The following BSN variants were observed in gnomAD, a reference collection of about 807,000 sequenced individuals.
BSN encodes the protein protein bassoon.
BSN carries 57 observed loss-of-function variants against 264.8 expected under a neutral mutation model. That is an observed-to-expected ratio of 0.22 (90% CI 0.17 to 0.27). The LOEUF is 0.27. Among genes scored for constraint, BSN ranks in the 10% least tolerant of loss-of-function variants. BSN has a pLI of 1.00. For synonymous variants in BSN, 2,059 were observed against 2,137.3 expected (o/e 0.96, Z 1.01); for missense variants, 4,615 against 5,232.5 (o/e 0.88, Z 3.64).
Position 49,661,902 on chromosome 3 carries a change from A to G in BSN, c.10057A>G (p.Ile3353Val). The change falls in exon 6 of 12, where the codon ATC becomes GTC. Residue 3353 changes from isoleucine (I) to valine (V), a missense_variant. Physicochemically the swap from Ile to Val is conservative, Grantham distance 29 (BLOSUM62 3). This residue lies in a region of BSN where 3,415 missense variants were observed against 3,866.4 expected (regional missense o/e 0.88). Transcript: ENST00000296452. ...CTCCAAGAGCCTGGCTCCAGCTGCCATCTCCTCAAAGCGCAGCAAGCACCG... is the reference window on the plus strand; with the variant it reads ...CTCCAAGAGCCTGGCTCCAGCTGCCGTCTCCTCAAAGCGCAGCAAGCACCG... ...HPSKSLAPAA[I>V]SSKRSKHRKQ... 1.2e-6 allele frequency: 2 copies of G among 1,613,806 alleles called. No individual in the cohort carries two copies. The highest frequency in any genetic ancestry group is 8.5e-7 in the Non-Finnish European group (1 of 1,180,038).
intron 1 of BSN, among the ~76,000 whole-genome samples, chr3:49,606,593 G>A (rs750792729): frequency 4.6e-5 from 7 of 151,910 alleles, no homozygotes; most frequent in Admixed American, 2.6e-4. Flanking sequence ...GCCAGGGACC[G>A]TGAAGCTCCC....
chr3:49,577,970 G>T (rs920415065), intron 1 of BSN, among the ~76,000 whole-genome samples: 1 of 152,134 alleles, frequency 6.6e-6, no homozygotes, highest in African/African-American at 2.4e-5. Flanking sequence ...AACTGCTGGG[G>T]GTAGCGGGGT....
At chr3:49,599,303 C>T (rs2052052554) in intron 1 of BSN, among the ~76,000 whole-genome samples, 1 of 152,070 alleles carries the variant, frequency 6.6e-6, no homozygotes, top group Non-Finnish European at 1.5e-5. Context: ...CCTTCCTAAT[C>T]CCTGGGGTTG....
chr3:49,603,182 G>A (rs941039743), intron 1 of BSN, among the ~76,000 whole-genome samples: 2 of 152,110 alleles, frequency 1.3e-5, no homozygotes, highest in Admixed American at 6.5e-5. Context: ...CTTGAGGGCC[G>A]CAGGTCCCAC....
chr3:49,616,353 C>A (rs1490813164), intron 1 of BSN, among the ~76,000 whole-genome samples: 1 of 152,212 alleles, frequency 6.6e-6, no homozygotes, highest in Non-Finnish European at 1.5e-5. Context: ...GTAGTCCTTC[C>A]TGCCCTGGGA....
intron 1 of BSN, among the ~76,000 whole-genome samples, chr3:49,581,075 G>A (rs866830353): frequency 1.3e-5 from 2 of 151,302 alleles, no homozygotes; most frequent in African/African-American, 2.4e-5. Flanking sequence ...TCTGCCTCCC[G>A]GGCTCAAGTG....
intron 1 of BSN, among the ~76,000 whole-genome samples, chr3:49,602,348 T>C (rs550217927): frequency 3.5e-4 from 53 of 152,054 alleles, no homozygotes; most frequent in Non-Finnish European, 6.2e-4. Context: ...CATGAAACAA[T>C]ACAAGGGAAA....
At chr3:49,671,923 C>G (rs1272350912), downstream of BSN, among the ~76,000 whole-genome samples, 1 of 152,134 alleles carries the variant, frequency 6.6e-6, no homozygotes, top group Non-Finnish European at 1.5e-5. The surrounding 1 kb of genome is among the most constrained non-coding windows in gnomAD (Gnocchi z 4.1). Flanking sequence ...CTGCCTTGCT[C>G]CGAATTTTCC....
chr3:49,560,374 C>T (rs1559591722), intron 1 of BSN, among the ~76,000 whole-genome samples: 2 of 152,256 alleles, frequency 1.3e-5, no homozygotes, highest in Admixed American at 6.5e-5. Flanking sequence ...ACTACCATTA[C>T]TGAATGACTG....
chr3:49,604,786 C>T (rs763339650), intron 1 of BSN, among the ~76,000 whole-genome samples: 1 of 151,996 alleles, frequency 6.6e-6, no homozygotes, highest in Non-Finnish European at 1.5e-5. Flanking sequence ...TTTCCCAGGC[C>T]TCCCACACCT....
At chr3:49,628,621 A>T (rs2052361329) in intron 2 of BSN, among the ~76,000 whole-genome samples, 1 of 152,204 alleles carries the variant, frequency 6.6e-6, no homozygotes, top group Non-Finnish European at 1.5e-5. Flanking sequence ...AGGCCTGCCC[A>T]TGTAGTTTGC....
In BSN at chr3:49,642,327, C is replaced by G. The variant is rs771816307; in HGVS notation, c.693C>G (p.Thr231=). ...QMQRALGMDM[T]TAPRSKSQQQ... is the part of the protein sequence containing the mutation. ...AGAGGGCTCTGGGAATGGACATGAC[C>G]ACTGCACCTCGCTCCAAGAGCCAGC... Residue 231 remains threonine (T), a synonymous_variant, in exon 3 of 12, where the codon ACC becomes ACG. Coordinates refer to ENST00000296452, the MANE Select transcript of BSN (RefSeq NM_003458.4). This position sits in a 1 kb window ranked among gnomAD's most constrained non-coding sequence, Gnocchi z 7.0. 2 of 1,597,938 alleles carry G rather than the reference C, an allele frequency of 1.3e-6. No homozygotes were observed. The highest frequency in any genetic ancestry group is 1.7e-6 in the Non-Finnish European group (2 of 1,172,446).
chr3:49,568,315 C>T (rs998217539), intron 1 of BSN, among the ~76,000 whole-genome samples: 6 of 152,136 alleles, frequency 3.9e-5, no homozygotes, highest in Non-Finnish European at 5.9e-5. Context: ...GAATTGAAAA[C>T]AACAATGGCA....
chr3:49,568,238 T>C (rs1302589880), intron 1 of BSN, among the ~76,000 whole-genome samples: 2 of 152,294 alleles, frequency 1.3e-5, no homozygotes, highest in South Asian at 2.1e-4. Context: ...GGAAAAAATA[T>C]ATTCTGCCTC....
chr3:49,565,340 CAG>C (rs2051744618), intron 1 of BSN, among the ~76,000 whole-genome samples: 1 of 104,840 alleles, frequency 9.5e-6, no homozygotes, highest in Non-Finnish European at 1.8e-5. Context: ...TTTTTTGAGA[CAG>C]AGTCTCGCTC....
At chr3:49,671,990 T>C (rs1195576869), downstream of BSN, among the ~76,000 whole-genome samples, 2 of 148,234 alleles carry the variant, frequency 1.3e-5, no homozygotes, top group African/African-American at 4.9e-5. The surrounding 1 kb of genome is among the most constrained non-coding windows in gnomAD (Gnocchi z 4.1). Flanking sequence ...TGGTCAGGAG[T>C]ACCTCCTTAC....
chr3:49,596,820 C>T (rs1350877429), intron 1 of BSN, among the ~76,000 whole-genome samples: 1 of 152,148 alleles, frequency 6.6e-6, no homozygotes, highest in Non-Finnish European at 1.5e-5. Context: ...ACCATTGCAC[C>T]TGGATTGCTG....
At chr3:49,557,884 T>C (rs1281680425) in intron 1 of BSN, among the ~76,000 whole-genome samples, 1 of 152,182 alleles carries the variant, frequency 6.6e-6, no homozygotes, top group Non-Finnish European at 1.5e-5. Context: ...CATGTTTTGA[T>C]GTTTGCAAAT....
At chr3:49,559,640 C>T (rs2051698847) in intron 1 of BSN, among the ~76,000 whole-genome samples, 2 of 152,168 alleles carry the variant, frequency 1.3e-5, no homozygotes, top group South Asian at 2.1e-4. Flanking sequence ...TTGTCTGATG[C>T]ATCTGTCTAG....
Sources: gnomAD v4.1 joint callset for allele counts (sites outside exome capture counted in the v4.1 genomes callset) on GRCh38, gnomAD v4.1.1 for gene constraint, gnomAD v4.1.1 regional missense constraint, Gnocchi (gnomAD v3.1) non-coding constraint, MANE v1.5 for transcripts, NCBI Gene and HGNC (gene_info 2026-07-23, HGNC 2026-07-21) for gene names.